The following BMERB1 variants were observed in gnomAD, a reference collection of about 807,000 sequenced individuals.
BMERB1 encodes bMERB domain containing 1, also known as bMERB domain-containing protein 1.
A neutral mutation model predicts 23.6 loss-of-function variants in BMERB1; 12 were observed. The observed-to-expected ratio is 0.51, with a 90% confidence interval of 0.33 to 0.82. BMERB1 has a LOEUF of 0.82. Ranked by LOEUF, BMERB1 falls within the 40% of genes least tolerant of loss-of-function variation. The pLI, the probability that BMERB1 is intolerant of heterozygous loss-of-function variation, is 0.03. For missense variants in BMERB1, 247 were observed against 255.4 expected, an observed-to-expected ratio of 0.97 and a Z score of 0.22; for synonymous variants, 122 against 96.6, an observed-to-expected ratio of 1.26 and a Z score of -1.54.
chr16:15,438,835 G>T (rs866494458), intron 1 of BMERB1, among the ~76,000 whole-genome samples: 14 of 152,138 alleles, frequency 9.2e-5, no homozygotes, highest in South Asian at 2.1e-4. Flanking sequence ...CAACTCTCAG[G>T]GTATCTATGG....
intron 1 of BMERB1, among the ~76,000 whole-genome samples, chr16:15,483,608 GA>G (rs1283579928): frequency 6.6e-6 from 1 of 152,102 alleles, no homozygotes; most frequent in African/African-American, 2.4e-5. Flanking sequence ...TCGAACTCTT[GA>G]CCTCAGGTGA....
Position 15,586,741 on chromosome 16 carries a change from A to G in BMERB1, c.527A>G (p.Glu176Gly). The part of the protein sequence containing the change: ...PASSRAEKKA[E>G]PPPSKPTVAK... ...GGCTCCCGGGCAGAGAAGAAAGCAG[A>G]GCCCCCACCTAGCAAGCCCACGGTG... The change falls in exon 6 of 6, where the codon GAG becomes GGG. Residue 176 changes from glutamate to glycine, a missense_variant. Transcript: ENST00000300006. 1 of 1,611,796 alleles carries G rather than the reference A, an allele frequency of 6.2e-7. No homozygotes were observed.
intron 1 of BMERB1, among the ~76,000 whole-genome samples, chr16:15,439,954 G>C (rs1318697309): frequency 1.3e-5 from 2 of 151,868 alleles, no homozygotes; most frequent in African/African-American, 2.4e-5. Flanking sequence ...AGAGGTAATA[G>C]CATCAACTGG....
chr16:15,467,192 C>T (rs1303645145), intron 1 of BMERB1, among the ~76,000 whole-genome samples: 2 of 152,122 alleles, frequency 1.3e-5, no homozygotes, highest in African/African-American at 4.8e-5. Context: ...GTTTTCATTT[C>T]TCTGAGATAA....
chr16:15,438,532 T>G (rs2050908643), intron 1 of BMERB1, among the ~76,000 whole-genome samples: 1 of 150,366 alleles, frequency 6.7e-6, no homozygotes, highest in African/African-American at 2.5e-5. Context: ...CACAATCAGC[T>G]CACTGCAACA....
At chr16:15,483,578 C>T (rs921973905) in intron 1 of BMERB1, among the ~76,000 whole-genome samples, 5 of 152,030 alleles carry the variant, frequency 3.3e-5, no homozygotes, top group Non-Finnish European at 7.4e-5. Context: ...TGAGGTTTCC[C>T]CATGTTGGCC....
chr16:15,480,053 C>T (rs1311770701), intron 1 of BMERB1, among the ~76,000 whole-genome samples: 2 of 148,424 alleles, frequency 1.3e-5, no homozygotes, highest in Admixed American at 1.3e-4. Flanking sequence ...TTTGGGTCCT[C>T]CATATTTTTT....
chr16:15,494,116 G>T (rs1456127763), intron 1 of BMERB1, among the ~76,000 whole-genome samples: 1 of 152,168 alleles, frequency 6.6e-6, no homozygotes, highest in Non-Finnish European at 1.5e-5. Context: ...AGATTGCAGG[G>T]ATGGGGGATA....
At chr16:15,442,245 C>G (rs1041144364) in intron 1 of BMERB1, among the ~76,000 whole-genome samples, 1 of 151,650 alleles carries the variant, frequency 6.6e-6, no homozygotes, top group Non-Finnish European at 1.5e-5. Context: ...GCGGGAGACT[C>G]ACTTGAACCA....
chr16:15,454,361 G>A (rs958670603), intron 1 of BMERB1, among the ~76,000 whole-genome samples: 4 of 152,234 alleles, frequency 2.6e-5, no homozygotes, highest in African/African-American at 9.6e-5. Flanking sequence ...CCGAGGCAGT[G>A]TTGCTTCCTT....
chr16:15,466,667 C>T (rs1246180690), intron 1 of BMERB1, among the ~76,000 whole-genome samples: 2 of 152,016 alleles, frequency 1.3e-5, no homozygotes, highest in African/African-American at 4.8e-5. Flanking sequence ...AGGAAATTGA[C>T]ATTGATACAA....
intron 1 of BMERB1, among the ~76,000 whole-genome samples, chr16:15,439,728 G>A (rs781667954): frequency 6.6e-6 from 1 of 152,106 alleles, no homozygotes; most frequent in Non-Finnish European, 1.5e-5. Context: ...ACATTTCAGC[G>A]TGGTTAGATA....
intron 3 of BMERB1, 55 bp downstream of exon 3, chr16:15,568,111 T>A: frequency 6.7e-7 from 1 of 1,495,104 alleles, no homozygotes; most frequent in Non-Finnish European, 9.3e-7. Flanking sequence ...GCCCCCAGCC[T>A]GGCCCATCTG....
chr16:15,438,162 C>T (rs1020554385), intron 1 of BMERB1, among the ~76,000 whole-genome samples: 2 of 151,206 alleles, frequency 1.3e-5, no homozygotes, highest in African/African-American at 2.4e-5. Context: ...TCTCAGCTCA[C>T]TGCAACCTCC....
At chr16:15,515,518 CA>C (rs1318083687) in intron 2 of BMERB1, 90 bp downstream of exon 2, 2 of 1,486,272 alleles carry the variant, frequency 1.3e-6, no homozygotes, top group Non-Finnish European at 1.8e-6. Flanking sequence ...GTGTGCCAGG[CA>C]CTGAGATAAA....
At chr16:15,450,766 C>G (rs923775223) in intron 1 of BMERB1, among the ~76,000 whole-genome samples, 1 of 152,112 alleles carries the variant, frequency 6.6e-6, no homozygotes, top group Non-Finnish European at 1.5e-5. Flanking sequence ...CCACCACGCC[C>G]GGCCATAGCT....
chr16:15,442,794 G>T (rs2050951458), intron 1 of BMERB1, among the ~76,000 whole-genome samples: 2 of 152,160 alleles, frequency 1.3e-5, no homozygotes, highest in African/African-American at 4.8e-5. Context: ...TAGGGCTGGA[G>T]CCTGATTCTA....
Sources: allele counts gnomAD v4.1 joint callset (sites outside exome capture counted in the v4.1 genomes callset), GRCh38; gene constraint gnomAD v4.1.1; transcripts MANE v1.5; gene names NCBI Gene and HGNC (gene_info 2026-07-23, HGNC 2026-07-21).